The following ALDH1A3 variants were observed in gnomAD, a reference collection of about 807,000 sequenced individuals.
ALDH1A3 encodes retinaldehyde dehydrogenase 3.
A neutral mutation model predicts 57.5 loss-of-function variants in ALDH1A3; 28 were observed. The observed-to-expected ratio is 0.49, with a 90% CI of 0.36 to 0.67. The LOEUF is 0.67. ALDH1A3 is among the 30% of genes least tolerant of loss of function. ALDH1A3 has a pLI of 0.00. For synonymous variants in ALDH1A3, 281 were observed against 264.8 expected (o/e 1.06, Z -0.59); for missense variants, 507 against 669.4 (o/e 0.76, Z 2.68).
intron 2 of ALDH1A3, among the ~76,000 whole-genome samples, chr15:100,885,663 T>C (rs1212834333): frequency 6.6e-6 from 1 of 151,724 alleles, no homozygotes; most frequent in South Asian, 2.1e-4. Context: ...TTCTTTTTTT[T>C]TTTTTTTTAT....
Position 100,908,495 on chromosome 15 carries a change from A to G in ALDH1A3, c.1466+13A>G. The G allele has an allele frequency of 1.2e-6, 2 of 1,606,210 alleles. No homozygotes were observed. Among genetic ancestry groups the G allele is most frequent in the African/African-American group, 1.3e-5 (1 of 74,830 alleles). On this transcript the variant is annotated intron_variant, in intron 12 of 12. Transcript: ENST00000329841. ...ATGGCAGAGAACTGTAAGTGTTTCCATCATTCTGAGCCTGCCGTGGGCTGA... is the reference window on the plus strand; with the variant it reads ...ATGGCAGAGAACTGTAAGTGTTTCCGTCATTCTGAGCCTGCCGTGGGCTGA...
intron 11 of ALDH1A3, among the ~76,000 whole-genome samples, chr15:100,907,638 A>G (rs185175198): frequency 6.6e-6 from 1 of 152,254 alleles, no homozygotes; most frequent in Admixed American, 6.5e-5. Context: ...AAATGTGGAT[A>G]CTAGTCTCTG....
chr15:100,897,551 T>G (rs1296836480), intron 7 of ALDH1A3, among the ~76,000 whole-genome samples: 1 of 151,586 alleles, frequency 6.6e-6, no homozygotes, highest in Non-Finnish European at 1.5e-5. Context: ...AGAGTGTGTT[T>G]CCAGAGAATC....
intron 1 of ALDH1A3, among the ~76,000 whole-genome samples, chr15:100,883,586 T>C (rs1169527095): frequency 6.6e-6 from 1 of 151,958 alleles, no homozygotes; most frequent in African/African-American, 2.4e-5. Context: ...CTGCCTCCTG[T>C]GCTTGGTCCC....
chr15:100,908,313 A>T, intron 11 of ALDH1A3, 95 bp from the exon 12 acceptor site: 1 of 1,019,778 alleles, frequency 9.8e-7, no homozygotes, highest in Non-Finnish European at 1.5e-6. Flanking sequence ...ACTGTTTATT[A>T]GACAATGCCC....
rs2041612513 is a variant in ALDH1A3, at chr15:100,887,848, G to A, written c.345+136G>A. On this transcript the variant is annotated intron_variant, in intron 3 of 12. Transcript: ENST00000329841. This position sits in a 1 kb window ranked among gnomAD's most constrained non-coding sequence, Gnocchi z 4.6. Reference sequence around the variant, plus strand: ...GGTCTGTTCCATCCTCTGAGACACGGCTCTCTGGCAATACTTGCAGGTGTT... The same window carrying A: ...GGTCTGTTCCATCCTCTGAGACACGACTCTCTGGCAATACTTGCAGGTGTT... 1.8e-6 allele frequency: 2 copies of A among 1,100,414 alleles called. No homozygotes were observed. Among genetic ancestry groups the A allele is most frequent in the Non-Finnish European group, 2.4e-6 (2 of 817,540 alleles). 68.2% of individuals were successfully genotyped at this position (1,100,414 alleles called of 1,614,324 possible). A position where few individuals can be genotyped will look rare whatever the true frequency, so the allele number is the denominator to read the frequency against.
chr15:100,892,216 G>T, intron 3 of ALDH1A3: 1 of 366,072 alleles, frequency 2.7e-6, no homozygotes. Flanking sequence ...TCCCAGCACA[G>T]CTTTAAATCC....
chr15:100,886,732 A>C (rs1211213267), intron 2 of ALDH1A3, among the ~76,000 whole-genome samples: 1 of 152,230 alleles, frequency 6.6e-6, no homozygotes, highest in Non-Finnish European at 1.5e-5. Context: ...CCTTTTAGAA[A>C]GAAGGTTCCG....
chr15:100,908,367 C>T, intron 11 of ALDH1A3, 41 bp from the exon 12 acceptor site: 1 of 1,569,328 alleles, frequency 6.4e-7, no homozygotes, highest in Middle Eastern at 1.7e-4. Context: ...GCCAGGGGGT[C>T]TTCTCCAGAT....
intron 11 of ALDH1A3, 114 bp downstream of exon 11, chr15:100,907,392 C>T (rs1279948191): frequency 8.3e-7 from 1 of 1,205,762 alleles, no homozygotes; most frequent in African/African-American, 1.5e-5. Context: ...TATACCAAGC[C>T]CTGTCTCAGT....
intron 7 of ALDH1A3, among the ~76,000 whole-genome samples, chr15:100,896,795 G>A (rs938864327): frequency 2.6e-5 from 4 of 152,184 alleles, no homozygotes; most frequent in Admixed American, 1.3e-4. Flanking sequence ...TTTTACAGCC[G>A]TTACAACAAG....
At position 100,907,134 on chromosome 15, in the gene ALDH1A3, T is replaced by G; in HGVS notation, c.1247T>G (p.Val416Gly). 6.2e-7 allele frequency: 1 copy of G among 1,613,748 alleles called. No individual in the cohort carries two copies. The highest frequency in any genetic ancestry group is 8.5e-7 in the Non-Finnish European group (1 of 1,179,806). The part of the protein sequence containing the change: ...RIAKEEIFGP[V>G]QPILKFKSIE... ...AATTAATCATAGATTTTCGGGCCAG[T>G]GCAACCAATACTGAAGTTCAAAAGT... The change falls in exon 11 of 13, where the codon GTG becomes GGG. Residue 416 changes from valine to glycine, a missense_variant. This residue lies in a region of ALDH1A3 where 432 missense variants were observed against 608.4 expected (regional missense o/e 0.71). Transcript: ENST00000329841.
chr15:100,885,644 T>A (rs1025610191), intron 2 of ALDH1A3, among the ~76,000 whole-genome samples: 6 of 128,930 alleles, frequency 4.7e-5, no homozygotes, highest in African/African-American at 1.9e-4. Context: ...AAAGGAAAGG[T>A]TTTCTTTTTT....
At chr15:100,883,128 A>G (rs1168409715) in intron 1 of ALDH1A3, among the ~76,000 whole-genome samples, 2 of 152,142 alleles carry the variant, frequency 1.3e-5, no homozygotes, top group African/African-American at 4.8e-5. Flanking sequence ...CAGCCCCCTT[A>G]TTTATATTCT....
chr15:100,886,482 C>T (rs1241676359), intron 2 of ALDH1A3, among the ~76,000 whole-genome samples: 2 of 152,178 alleles, frequency 1.3e-5, no homozygotes, highest in African/African-American at 2.4e-5. Context: ...GCCTCCACCC[C>T]AGAGCCTGGG....
chr15:100,909,188 G>A (rs545253305), intron 12 of ALDH1A3, among the ~76,000 whole-genome samples: 1 of 82,498 alleles, frequency 1.2e-5, no homozygotes, highest in South Asian at 6.7e-4. Context: ...AAACTCCTCC[G>A]TGTGTGTAAA....
Position 100,887,915 on chromosome 15 carries a change from T to G in ALDH1A3, c.345+203T>G, listed in dbSNP as rs1264710182. The stretch of plus-strand genomic sequence containing the variant: ...ATCCCTTTCATTTTGAAGTCAGACT[T>G]TTGTCCTCTGCAGCTCAGCTTCTTG... On this transcript the variant is annotated intron_variant, in intron 3 of 12. Coordinates refer to ENST00000329841, the MANE Select transcript of ALDH1A3 (RefSeq NM_000693.4). This position sits in a 1 kb window ranked among gnomAD's most constrained non-coding sequence, Gnocchi z 4.6. 6.6e-6 allele frequency among the ~76,000 whole-genome samples: 1 copy of G among 152,106 alleles called. No homozygotes were observed. The highest frequency in any genetic ancestry group is 6.5e-5 in the Admixed American group (1 of 15,270).
rs568535282 is a variant in ALDH1A3 at position 100,914,813 on chromosome 15, A to C, written c.*40A>C. 2 of 1,590,748 alleles carry C rather than the reference A, an allele frequency of 1.3e-6. No individual in the cohort carries two copies. Among genetic ancestry groups the C allele is most frequent in the East Asian group, 2.2e-5 (1 of 44,762 alleles). ...TCCTTCCTCAAACATCGGACGGCGG[A>C]ATGTGGCAGATGAAATGTGCTGGAG... On this transcript the variant is annotated 3_prime_UTR_variant, in exon 13 of 13. Coordinates refer to ENST00000329841, the MANE Select transcript of ALDH1A3 (RefSeq NM_000693.4).
chr15:100,891,534 C>T (rs894617521), intron 3 of ALDH1A3, among the ~76,000 whole-genome samples: 9 of 152,236 alleles, frequency 5.9e-5, no homozygotes, highest in African/African-American at 1.7e-4. Context: ...GTCACTGGGC[C>T]GTTAGCGTCC....
Sources: allele counts gnomAD v4.1 joint callset (sites outside exome capture counted in the v4.1 genomes callset), GRCh38; gene constraint gnomAD v4.1.1; regional missense constraint gnomAD v4.1.1; non-coding constraint Gnocchi (gnomAD v3.1); transcripts MANE v1.5; gene names NCBI Gene and HGNC (gene_info 2026-07-23, HGNC 2026-07-21).